The following PTPRG variants were observed in gnomAD, a reference collection of about 807,000 sequenced individuals.
The protein encoded by PTPRG is protein tyrosine phosphatase receptor type G, also known as receptor-type tyrosine-protein phosphatase gamma.
PTPRG carries 102 observed loss-of-function variants against 165.3 expected under a neutral mutation model. The ratio of observed to expected loss-of-function variants is 0.62; its 90% CI spans 0.53 to 0.73. The LOEUF is 0.73. PTPRG is among the 30% of genes least tolerant of loss of function. PTPRG has a pLI of 0.00. For missense variants in PTPRG, 1,866 were observed against 1,861.4 expected, an observed-to-expected ratio of 1.00 and a Z score of -0.05; for synonymous variants, 675 against 669.5, an observed-to-expected ratio of 1.01 and a Z score of -0.13.
intron 5 of PTPRG, among the ~76,000 whole-genome samples, chr3:62,114,538 G>A (rs909687241): frequency 6.6e-6 from 1 of 152,090 alleles, no homozygotes; most frequent in African/African-American, 2.4e-5. Flanking sequence ...ACATGTAGTA[G>A]CCAAAGTACT....
chr3:62,283,747 A>C (rs1312010267), intron 28 of PTPRG, among the ~76,000 whole-genome samples: 1 of 152,100 alleles, frequency 6.6e-6, no homozygotes. Context: ...CCTGGCACTA[A>C]TGCTGTATCA....
intron 1 of PTPRG, among the ~76,000 whole-genome samples, chr3:61,703,968 C>T (rs1005699996): frequency 1.3e-5 from 2 of 152,136 alleles, no homozygotes; most frequent in African/African-American, 4.8e-5. Flanking sequence ...CTTTAAATAA[C>T]TTATCTTTGT....
At position 62,224,337 on chromosome 3, in the gene PTPRG, G is replaced by C. The variant is rs2106902421; in HGVS notation, c.2288+5354G>C. 6.6e-6 allele frequency among the ~76,000 whole-genome samples: 1 copy of C among 152,260 alleles called. No individual in the cohort carries two copies. Among genetic ancestry groups the C allele is most frequent in the Admixed American group, 6.5e-5 (1 of 15,288 alleles). Reference sequence around the variant, plus strand: ...TTCCCACCCACGTGAGGTCTGACAGGGTTGAGCCGCCCTCCTCCACCAGTG... The same window carrying C: ...TTCCCACCCACGTGAGGTCTGACAGCGTTGAGCCGCCCTCCTCCACCAGTG... On this transcript the variant is annotated intron_variant, in intron 13 of 29. Coordinates refer to ENST00000474889, the MANE Select transcript of PTPRG (RefSeq NM_002841.4). This position sits in a 1 kb window ranked among gnomAD's most constrained non-coding sequence, Gnocchi z 4.9.
At chr3:61,919,661 G>A (rs895046738) in intron 2 of PTPRG, among the ~76,000 whole-genome samples, 3 of 152,114 alleles carry the variant, frequency 2.0e-5, no homozygotes, top group African/African-American at 4.8e-5. Context: ...GTTGCATCTC[G>A]TCATGGGGAG....
intron 4 of PTPRG, among the ~76,000 whole-genome samples, chr3:62,041,441 A>G (rs1320729556): frequency 6.6e-6 from 1 of 152,204 alleles, no homozygotes. Flanking sequence ...ACAAGACAAG[A>G]CTTTTAGTCT....
At chr3:61,703,812 A>G (rs913323453) in intron 1 of PTPRG, among the ~76,000 whole-genome samples, 5 of 152,206 alleles carry the variant, frequency 3.3e-5, no homozygotes, top group African/African-American at 9.7e-5. Flanking sequence ...TATTAATGAA[A>G]GTTCAGCTCT....
intron 1 of PTPRG, among the ~76,000 whole-genome samples, chr3:61,747,404 T>C (rs903702257): frequency 2.6e-5 from 4 of 152,210 alleles, no homozygotes; most frequent in Non-Finnish European, 2.9e-5. Flanking sequence ...TAAACCTACC[T>C]TGTACTTGAA....
In PTPRG at chr3:62,192,889, T is replaced by C. The variant is rs1576118926; in HGVS notation, c.1218+1236T>C. Among the ~76,000 whole-genome samples, 2 of 152,354 alleles carry C rather than the reference T, an allele frequency of 1.3e-5. 1 individual carries two copies. The highest frequency in any genetic ancestry group is 4.1e-4 in the South Asian group (2 of 4,832). On this transcript the variant is annotated intron_variant, in intron 9 of 29. Coordinates refer to ENST00000474889, the MANE Select transcript of PTPRG (RefSeq NM_002841.4). Reference sequence around the variant, plus strand: ...TCTTAATGACTGTTATCACTTTTTTTCTCCAATACAGAGTCCTCCGGGCCC... The same window carrying C: ...TCTTAATGACTGTTATCACTTTTTTCCTCCAATACAGAGTCCTCCGGGCCC...
At chr3:61,888,232 C>T (rs185751953) in intron 2 of PTPRG, among the ~76,000 whole-genome samples, 5 of 150,206 alleles carry the variant, frequency 3.3e-5, no homozygotes, top group South Asian at 2.1e-4. Context: ...TCTGTCTGTC[C>T]GTCTGTGTGT....
At chr3:62,074,180 AGT>A (rs140019903) in intron 4 of PTPRG, among the ~76,000 whole-genome samples, 1,645 of 143,664 alleles carry the variant, frequency 0.011, 23 homozygotes, top group Admixed American at 0.041. Flanking sequence ...AAAAAGTGAG[AGT>A]GTGTGTGTGT....
rs1576144448 is a variant in PTPRG at position 62,214,855 on chromosome 3, G to A, written c.2156-3996G>A. On this transcript the variant is annotated intron_variant, in intron 12 of 29. Transcript: ENST00000474889. This position sits in a 1 kb window ranked among gnomAD's most constrained non-coding sequence, Gnocchi z 5.2. ...GTCACACAGAAAATGGCCAAGCCAGGATTTGAACCTATAATCTCTGCTCTG... is the reference window on the plus strand; with the variant it reads ...GTCACACAGAAAATGGCCAAGCCAGAATTTGAACCTATAATCTCTGCTCTG... 3.9e-5 allele frequency among the ~76,000 whole-genome samples: 6 copies of A among 152,322 alleles called. No homozygotes were observed. In the East Asian group the frequency reaches 1.2e-3, roughly 29 times the overall value.
chr3:62,047,416 C>T lies in PTPRG; in HGVS notation c.520-30747C>T, dbSNP rs1223463940. Among the ~76,000 whole-genome samples the T allele has an allele frequency of 3.3e-5, 5 of 152,038 alleles. No individual in the cohort carries two copies. In the South Asian group the frequency reaches 6.2e-4, roughly 19 times the overall value. The stretch of plus-strand genomic sequence containing the variant: ...CTGAGACCACAAGCGTGAACCACCA[C>T]GCCTGGCTAATTTTTTTGTATTTTT... On this transcript the variant is annotated intron_variant, in intron 4 of 29. Coordinates refer to ENST00000474889, the MANE Select transcript of PTPRG (RefSeq NM_002841.4).
chr3:62,060,975 C>T (rs1575951218), intron 4 of PTPRG, among the ~76,000 whole-genome samples: 1 of 152,092 alleles, frequency 6.6e-6, no homozygotes, highest in East Asian at 1.9e-4. Context: ...TGGATGCATC[C>T]TAATTTATCT....
At chr3:61,651,121 G>T in intron 1 of PTPRG, among the ~76,000 whole-genome samples, 1 of 148,382 alleles carries the variant, frequency 6.7e-6, no homozygotes. Context: ...CGATGTATTT[G>T]GACACTCTTT....
At chr3:62,285,125 C>T (rs1325798431) in intron 28 of PTPRG, among the ~76,000 whole-genome samples, 1 of 152,044 alleles carries the variant, frequency 6.6e-6, no homozygotes, top group Non-Finnish European at 1.5e-5. Flanking sequence ...TTGCTGAGGC[C>T]AGCAATGGTA....
chr3:61,817,082 A>AAT (rs2035796901), intron 2 of PTPRG, among the ~76,000 whole-genome samples: 1 of 132,700 alleles, frequency 7.5e-6, no homozygotes, highest in African/African-American at 2.8e-5. Flanking sequence ...TATTATATAT[A>AAT]ATATATATTA....
chr3:61,798,949 T>G (rs1405883210), intron 2 of PTPRG, among the ~76,000 whole-genome samples: 1 of 152,206 alleles, frequency 6.6e-6, no homozygotes, highest in African/African-American at 2.4e-5. Flanking sequence ...GTTCTCGTCA[T>G]TACTAGAACC....
intron 13 of PTPRG, among the ~76,000 whole-genome samples, chr3:62,227,843 T>C (rs1337165478): frequency 1.3e-5 from 2 of 152,238 alleles, no homozygotes; most frequent in East Asian, 3.8e-4. Flanking sequence ...TTAGCTAACA[T>C]GTTTTTTTAA....
chr3:61,928,391 C>T (rs1282466623), intron 2 of PTPRG, among the ~76,000 whole-genome samples: 3 of 152,198 alleles, frequency 2.0e-5, no homozygotes, highest in African/African-American at 7.2e-5. Flanking sequence ...ATCACATTTT[C>T]CAAACCAGAC....
Sources: allele counts gnomAD v4.1 joint callset (sites outside exome capture counted in the v4.1 genomes callset), GRCh38; gene constraint gnomAD v4.1.1; non-coding constraint Gnocchi (gnomAD v3.1); transcripts MANE v1.5; gene names NCBI Gene and HGNC (gene_info 2026-07-23, HGNC 2026-07-21).